CETP: variants seen among roughly 807,000 people sequenced by gnomAD.
CETP encodes BPI fold containing family F.
Under a neutral mutation model 66.5 loss-of-function variants are expected in CETP, and 56 were observed. That is an observed-to-expected ratio of 0.84 (90% CI 0.68 to 1.05). The LOEUF is 1.05. CETP is among the 50% of genes least tolerant of loss of function. CETP has a pLI of 0.00. For synonymous variants in CETP, 251 were observed against 245.7 expected, an observed-to-expected ratio of 1.02 and a Z score of -0.20; for missense variants, 612 against 609.6, an observed-to-expected ratio of 1.00 and a Z score of -0.04.
At chr16:56,983,228 A>G (rs571364211) in intron 14 of CETP, 98 bp from the exon 15 acceptor site, 6 of 921,492 alleles carry the variant, frequency 6.5e-6, no homozygotes, top group African/African-American at 4.8e-5. Context: ...ATATTGGTCC[A>G]AAAGGGTCTC....
chr16:56,973,256 TC>T lies in CETP; in HGVS notation c.751-72del, dbSNP rs1351957713. 13 of 1,501,356 alleles carry T rather than the reference TC, an allele frequency of 8.7e-6. No homozygotes were observed. The Admixed American group carries it at 2.0e-4, about 23-fold the overall frequency. The allele number at this position is 1,501,356 out of a possible 1,614,324, so 93.0% of individuals were successfully genotyped here. On this transcript the variant is annotated intron_variant, in intron 8 of 15. Transcript: ENST00000200676. ...ACTCTGGGCTGAATGCTGGGGCTCC[TC>T]CCAATCTCCCTGAAGCTGGACCTGA...
At chr16:56,972,514 T>A (rs1244738135) in intron 8 of CETP, among the ~76,000 whole-genome samples, 1 of 152,230 alleles carries the variant, frequency 6.6e-6, no homozygotes, top group Non-Finnish European at 1.5e-5. Flanking sequence ...CTCTGTTGCG[T>A]TCTGAGCATC....
At chr16:56,975,982 T>C (rs1439579235) in intron 10 of CETP, among the ~76,000 whole-genome samples, 1 of 152,230 alleles carries the variant, frequency 6.6e-6, no homozygotes, top group Non-Finnish European at 1.5e-5. Flanking sequence ...TCTTCCCTTC[T>C]GAACTCAGGC....
Position 56,983,353 on chromosome 16 carries a change from T to G in CETP, c.1349T>G (p.Met450Arg). The change falls in exon 15 of 16, where the codon ATG (methionine) becomes AGG (arginine). Residue 450 changes from methionine to arginine, a missense_variant. Transcript: ENST00000200676. ...CTCGAGGTAGTGTTTACAGCCCTCA[T>G]GAACAGCAAAGGCGTGAGCCTCTTC... ...SRLEVVFTAL[M>R]NSKGVSLFDI... 6.2e-7 allele frequency: 1 copy of G among 1,614,250 alleles called. No homozygotes were observed. The highest frequency in any genetic ancestry group is 1.6e-4 in the Middle Eastern group (1 of 6,062).
chr16:56,983,439 C>T (rs1555506928), intron 15 of CETP, 28 bp downstream of exon 15: 1 of 1,611,238 alleles, frequency 6.2e-7, no homozygotes, highest in East Asian at 2.2e-5. Context: ...CTCACCAGCC[C>T]CTGTTCCTGG....
intron 8 of CETP, 131 bp from the exon 9 acceptor site, chr16:56,973,200 G>C (rs1172995141): frequency 6.4e-6 from 6 of 941,300 alleles, no homozygotes; most frequent in Non-Finnish European, 8.3e-6. Flanking sequence ...GGGAAACTGG[G>C]TACAGCTCTT....
At chr16:56,981,380 T>C (rs572888508) in intron 12 of CETP, among the ~76,000 whole-genome samples, 155 bp downstream of exon 12, 100 of 152,202 alleles carry the variant, frequency 6.6e-4, no homozygotes, top group Admixed American at 3.8e-3. Flanking sequence ...CCTGCCTAGA[T>C]AGAATCTTCG....
chr16:56,971,496 TA>T, intron 7 of CETP, 115 bp downstream of exon 7: 1 of 930,794 alleles, frequency 1.1e-6, no homozygotes, highest in Non-Finnish European at 1.8e-6. Flanking sequence ...CCATGGGCTC[TA>T]TCTGGCTCTG....
intron 6 of CETP, 105 bp from the exon 7 acceptor site, chr16:56,971,215 AG>A (rs2056107416): frequency 6.6e-7 from 1 of 1,505,222 alleles, no homozygotes; most frequent in Non-Finnish European, 9.2e-7. Flanking sequence ...CCATGTGGCC[AG>A]TCCCCTGTGC....
At chr16:56,977,571 G>A (rs1462041435) in intron 10 of CETP, among the ~76,000 whole-genome samples, 1 of 152,164 alleles carries the variant, frequency 6.6e-6, no homozygotes, top group Non-Finnish European at 1.5e-5. Flanking sequence ...CTCCTCAGCT[G>A]CAGTTTTACG....
intron 2 of CETP, among the ~76,000 whole-genome samples, chr16:56,968,623 TGA>T (rs1302924273): frequency 6.6e-6 from 1 of 152,242 alleles, no homozygotes; most frequent in Non-Finnish European, 1.5e-5. Flanking sequence ...CCTCATTTGT[TGA>T]CATACAATTG....
chr16:56,979,466 A>G (rs376905383), intron 11 of CETP, among the ~76,000 whole-genome samples: 39 of 152,352 alleles, frequency 2.6e-4, no homozygotes, highest in African/African-American at 9.4e-4. Context: ...ATAATTACAA[A>G]TAAGGAATTA....
chr16:56,965,711 C>T (rs2056061189), intron 2 of CETP, among the ~76,000 whole-genome samples: 1 of 152,172 alleles, frequency 6.6e-6, no homozygotes, highest in Non-Finnish European at 1.5e-5. Flanking sequence ...TGTCATATTC[C>T]ATGTGCTCAA....
chr16:56,967,348 A>G (rs2056074700), intron 2 of CETP, among the ~76,000 whole-genome samples: 1 of 139,984 alleles, frequency 7.1e-6, no homozygotes, highest in Non-Finnish European at 1.6e-5. Flanking sequence ...TCTGTCACAC[A>G]AACAAACAAA....
chr16:56,972,000 C>T lies in CETP; in HGVS notation c.667C>T (p.Leu223Phe), dbSNP rs773371778. 1 of 1,614,072 alleles carries T rather than the reference C, an allele frequency of 6.2e-7. No homozygotes were observed. Among genetic ancestry groups the T allele is most frequent in the African/African-American group, 1.3e-5 (1 of 75,034 alleles). Residue 223 changes from leucine to phenylalanine, a missense_variant, in exon 8 of 16, where the codon CTT (leucine) becomes TTT (phenylalanine). Leu to Phe is a conservative substitution (Grantham distance 22, BLOSUM62 0). Coordinates refer to ENST00000200676, the MANE Select transcript of CETP (RefSeq NM_000078.3). Reference sequence around the variant, plus strand: ...ATCTTTTCCTCCTGCAGCCAGCATCCTTTCAGATGGAGACATTGGGGTGGA... The same window carrying T: ...ATCTTTTCCTCCTGCAGCCAGCATCTTTTCAGATGGAGACATTGGGGTGGA... Reference protein sequence around the residue: ...DFVQTRAASILSDGDIGVDIS... With the variant: ...DFVQTRAASIFSDGDIGVDIS...
intron 9 of CETP, among the ~76,000 whole-genome samples, chr16:56,974,384 G>GATC (rs1162829578): frequency 6.6e-6 from 1 of 152,238 alleles, no homozygotes; most frequent in Non-Finnish European, 1.5e-5. Flanking sequence ...AAGAGGTTGA[G>GATC]GCTGCAGTGA....
chr16:56,962,948 G>T, intron 1 of CETP, 62 bp from the exon 2 acceptor site: 2 of 1,448,026 alleles, frequency 1.4e-6, no homozygotes, highest in African/African-American at 1.4e-5. Context: ...AGGCCAGTTG[G>T]GGGTGGGAGC....
intron 10 of CETP, among the ~76,000 whole-genome samples, chr16:56,975,360 A>G: frequency 6.6e-6 from 1 of 152,198 alleles, no homozygotes; most frequent in East Asian, 1.9e-4. Flanking sequence ...TGGGGCGGTC[A>G]AACTGTCCCC....
At chr16:56,973,266 C>T in intron 8 of CETP, 65 bp from the exon 9 acceptor site, 10 of 1,562,090 alleles carry the variant, frequency 6.4e-6, no homozygotes, top group Non-Finnish European at 7.9e-6. Context: ...TCCCAATCTC[C>T]CTGAAGCTGG....
Sources: gnomAD v4.1 joint callset for allele counts (sites outside exome capture counted in the v4.1 genomes callset) on GRCh38, gnomAD v4.1.1 for gene constraint, MANE v1.5 for transcripts, NCBI Gene and HGNC (gene_info 2026-07-23, HGNC 2026-07-21) for gene names.